Variants in SOBP observed in about 807,000 individuals in gnomAD.
The protein encoded by SOBP is sine oculis-binding protein homolog.
SOBP carries 4 observed loss-of-function variants against 53.6 expected under a neutral mutation model. That is an observed-to-expected ratio of 0.07 (90% CI 0.04 to 0.17). SOBP has a LOEUF of 0.17. Ranked by LOEUF, SOBP falls within the 10% of genes least tolerant of loss-of-function variation. SOBP has a pLI of 1.00. For synonymous variants in SOBP, 584 were observed against 522.6 expected (o/e 1.12, Z -1.60); for missense variants, 1,088 against 1,204.7 (o/e 0.90, Z 1.43).
At chr6:107,621,257 T>C (rs1223444022) in intron 5 of SOBP, 1 of 250,342 alleles carries the variant, frequency 4.0e-6, no homozygotes, top group Non-Finnish European at 6.3e-6. Flanking sequence ...TTGGCCTGGA[T>C]GAGGAGATTC....
intron 6 of SOBP, among the ~76,000 whole-genome samples, chr6:107,644,055 A>T (rs1284619045): frequency 6.6e-6 from 1 of 152,242 alleles, no homozygotes; most frequent in Non-Finnish European, 1.5e-5. Flanking sequence ...TAATCCCAGC[A>T]CATTGGGAGG....
At chr6:107,505,535 C>T (rs773260658) in intron 2 of SOBP, among the ~76,000 whole-genome samples, 1 of 152,040 alleles carries the variant, frequency 6.6e-6, no homozygotes, top group Non-Finnish European at 1.5e-5. Flanking sequence ...GTTGGCCAGG[C>T]TGGTTTCAAA....
chr6:107,647,518 G>A (rs1675894096), intron 6 of SOBP, among the ~76,000 whole-genome samples: 2 of 152,194 alleles, frequency 1.3e-5, no homozygotes, highest in Non-Finnish European at 2.9e-5. Context: ...TGTCATGATA[G>A]CCCCTACAGC....
At chr6:107,552,018 C>T (rs1784473717) in intron 4 of SOBP, among the ~76,000 whole-genome samples, 1 of 152,170 alleles carries the variant, frequency 6.6e-6, no homozygotes, top group Non-Finnish European at 1.5e-5. Flanking sequence ...AAGACTCCAT[C>T]TCAACAACAA....
chr6:107,549,020 C>T (rs2115008500), intron 4 of SOBP, among the ~76,000 whole-genome samples: 1 of 152,232 alleles, frequency 6.6e-6, no homozygotes, highest in Middle Eastern at 3.4e-3. Flanking sequence ...GTAATCCCAG[C>T]ACTTTGGGGG....
chr6:107,659,882 G>C lies in SOBP; in HGVS notation c.*1679G>C, dbSNP rs573204034. ...AGCTCGCTTTTTAAAAATGAAATTT[G>C]GGGGCAGGGGAAGGGGAGGCGGGAG... On this transcript the variant is annotated 3_prime_UTR_variant, in exon 7 of 7. Transcript: ENST00000317357. 3.8e-4 allele frequency: 58 copies of C among 151,578 alleles called. No homozygotes were observed. The highest frequency in any genetic ancestry group is 1.4e-3 in the African/African-American group (58 of 41,264). 9.4% of individuals were successfully genotyped at this position (151,578 alleles called of 1,614,324 possible). A position where few individuals can be genotyped will look rare whatever the true frequency, so the allele number is the denominator to read the frequency against.
At chr6:107,544,574 G>T (rs1358010593) in intron 4 of SOBP, among the ~76,000 whole-genome samples, 1 of 152,174 alleles carries the variant, frequency 6.6e-6, no homozygotes, top group African/African-American at 2.4e-5. Flanking sequence ...GAGTAAGTGG[G>T]GCTAGCACTC....
intron 5 of SOBP, among the ~76,000 whole-genome samples, chr6:107,620,901 A>G (rs1372177934): frequency 1.3e-5 from 2 of 152,194 alleles, no homozygotes; most frequent in Non-Finnish European, 2.9e-5. Flanking sequence ...GAAGGGTCAG[A>G]TGGCAGTACA....
intron 5 of SOBP, among the ~76,000 whole-genome samples, chr6:107,595,350 CTTTTTTTTTTTTTTT>C (rs745477007): frequency 1.1e-5 from 1 of 88,142 alleles, no homozygotes; most frequent in African/African-American, 4.8e-5. Context: ...GATTTTGATC[CTTTTTTTTTTTTTTT>C]TTTTTTTTAG....
intron 4 of SOBP, among the ~76,000 whole-genome samples, chr6:107,561,670 G>A (rs1784776513): frequency 6.6e-6 from 1 of 152,172 alleles, no homozygotes; most frequent in South Asian, 2.1e-4. Flanking sequence ...AGGTGAAGAA[G>A]CCTTTTGTTT....
At chr6:107,563,536 G>A (rs1784828745) in intron 4 of SOBP, among the ~76,000 whole-genome samples, 1 of 151,924 alleles carries the variant, frequency 6.6e-6, no homozygotes, top group South Asian at 2.1e-4. Context: ...TTCTAGGAGT[G>A]GAACTAAAAT....
intron 4 of SOBP, among the ~76,000 whole-genome samples, chr6:107,585,893 AT>A (rs1562633936): frequency 6.6e-6 from 1 of 152,238 alleles, no homozygotes; most frequent in Non-Finnish European, 1.5e-5. Context: ...ATTTTGCTCC[AT>A]TAAAGGAGGA....
intron 4 of SOBP, among the ~76,000 whole-genome samples, chr6:107,565,643 A>C (rs1784894778): frequency 6.6e-6 from 1 of 152,200 alleles, no homozygotes; most frequent in South Asian, 2.1e-4. Context: ...CCCAGAGAGG[A>C]GGAAGAGTGC....
chr6:107,607,785 C>T (rs1583266928), intron 5 of SOBP, among the ~76,000 whole-genome samples: 1 of 152,262 alleles, frequency 6.6e-6, no homozygotes, highest in African/African-American at 2.4e-5. Flanking sequence ...TAGAACTAAC[C>T]ATATCAGCAT....
chr6:107,598,070 G>T lies in SOBP; in HGVS notation c.669+10895G>T, dbSNP rs541855527. ...TTATTAGGTACCTGCTGTCTCCCCA[G>T]GGCTGGGCTTAAAAGTCATGTGTTG... On this transcript the variant is annotated intron_variant, in intron 5 of 6. Transcript: ENST00000317357. 2.6e-5 allele frequency among the ~76,000 whole-genome samples: 4 copies of T among 152,204 alleles called. No homozygotes were observed. In the East Asian group the frequency reaches 7.7e-4, roughly 29 times the overall value.
chr6:107,604,516 CT>C (rs1372428902), intron 5 of SOBP, among the ~76,000 whole-genome samples: 6 of 151,940 alleles, frequency 3.9e-5, no homozygotes, highest in East Asian at 3.9e-4. Context: ...CCCCCACCCC[CT>C]AATCCCCCTA....
intron 6 of SOBP, among the ~76,000 whole-genome samples, chr6:107,642,821 G>A (rs148669125): frequency 2.0e-5 from 3 of 152,158 alleles, no homozygotes; most frequent in Non-Finnish European, 4.4e-5. Context: ...AGGGAGAAAC[G>A]CTTCATGAAT....
intron 5 of SOBP, among the ~76,000 whole-genome samples, chr6:107,594,455 C>T (rs1259149896): frequency 6.7e-6 from 1 of 150,280 alleles, no homozygotes; most frequent in Non-Finnish European, 1.5e-5. Context: ...GGGGACGGCA[C>T]AAAGATAATT....
chr6:107,512,206 C>T (rs1426940750), intron 3 of SOBP, among the ~76,000 whole-genome samples: 1 of 152,174 alleles, frequency 6.6e-6, no homozygotes, highest in Non-Finnish European at 1.5e-5. Flanking sequence ...ACATCATGAA[C>T]ATAATCTGAA....
Sources: gnomAD v4.1 joint callset for allele counts (sites outside exome capture counted in the v4.1 genomes callset) on GRCh38, gnomAD v4.1.1 for gene constraint, MANE v1.5 for transcripts, NCBI Gene and HGNC (gene_info 2026-07-23, HGNC 2026-07-21) for gene names.